MYBL1: variants seen among roughly 807,000 people sequenced by gnomAD.
The protein encoded by MYBL1 is myb-related protein A.
In MYBL1, 17 loss-of-function variants were observed where a neutral mutation model predicts 96.3. The ratio of observed to expected loss-of-function variants is 0.18; its 90% CI spans 0.12 to 0.26. The LOEUF (loss-of-function observed/expected upper bound fraction) is 0.26, where lower values mean the gene tolerates loss of function less well. Among genes scored for constraint, MYBL1 ranks in the 10% least tolerant of loss-of-function variants. The pLI, the probability that MYBL1 is intolerant of heterozygous loss-of-function variation, is 1.00. For synonymous variants in MYBL1, 282 were observed against 292.7 expected (o/e 0.96, Z 0.37); for missense variants, 701 against 882.9 (o/e 0.79, Z 2.61).
chr8:66,593,342 C>G, intron 6 of MYBL1, 148 bp from the exon 7 acceptor site: 1 of 489,418 alleles, frequency 2.0e-6, no homozygotes, highest in Non-Finnish European at 3.7e-6. Context: ...ACCTATAATA[C>G]TTTCTTATCT....
chr8:66,592,329 T>A, intron 8 of MYBL1, 111 bp downstream of exon 8: 1 of 711,836 alleles, frequency 1.4e-6, no homozygotes, highest in Non-Finnish European at 2.3e-6. Context: ...AAACTATTTT[T>A]ACTCCATATT....
chr8:66,566,016 T>C (rs924546128), intron 15 of MYBL1, 48 bp downstream of exon 15: 2 of 1,277,380 alleles, frequency 1.6e-6, no homozygotes, highest in African/African-American at 1.6e-5. Context: ...AAAGTGATCA[T>C]TGACTAAACA....
Position 66,592,554 on chromosome 8 carries a change from G to A in MYBL1, c.763-10C>T, listed in dbSNP as rs1391534237. 1 of 1,514,380 alleles carries A rather than the reference G, an allele frequency of 6.6e-7. No homozygotes were observed. The highest frequency in any genetic ancestry group is 9.0e-7 in the Non-Finnish European group (1 of 1,117,128). The allele number at this position is 1,514,380 out of a possible 1,614,324, so 93.8% of individuals were successfully genotyped here. A position where few individuals can be genotyped will look rare whatever the true frequency, so the allele number is the denominator to read the frequency against. On this transcript the variant is annotated splice_polypyrimidine_tract_variant and intron_variant, in intron 7 of 15. Transcript: ENST00000522677. ...CATCAATGAAGGGTTGCTAAAATAA[G>A]TTAAATAAAAGAGAAAACAGGATGC...
At chr8:66,568,853 C>T (rs560879958) in intron 12 of MYBL1, among the ~76,000 whole-genome samples, 10 of 151,770 alleles carry the variant, frequency 6.6e-5, no homozygotes, top group East Asian at 2.0e-4. Flanking sequence ...GGTGAAACCC[C>T]GTCTCTACTA....
chr8:66,583,398 CAAAT>C, intron 8 of MYBL1, among the ~76,000 whole-genome samples: 1 of 151,860 alleles, frequency 6.6e-6, no homozygotes, highest in African/African-American at 2.4e-5. Flanking sequence ...AGAAACATTT[CAAAT>C]AAACAATGTA....
Position 66,576,275 on chromosome 8 carries a change from T to C in MYBL1, c.1202A>G (p.Asn401Ser), listed in dbSNP as rs371430055. The C allele has an allele frequency of 1.1e-4, 180 of 1,613,912 alleles. No individual in the cohort carries two copies. The highest frequency in any genetic ancestry group is 1.5e-4 in the Non-Finnish European group (176 of 1,179,894). Reference sequence around the variant, plus strand: ...AAATTGGCATTCCATGGCTCCTTCATTGTGCTGAATTCTCATTAATTTAAC... The same window carrying C: ...AAATTGGCATTCCATGGCTCCTTCACTGTGCTGAATTCTCATTAATTTAAC... ...TPVKLMRIQH[N>S]EGAMECQFNV... The change falls in exon 10 of 16, where the codon AAT becomes AGT. Residue 401 changes from asparagine to serine, a missense_variant. This residue lies in a region of MYBL1 where 396 missense variants were observed against 407.4 expected (regional missense o/e 0.97). Transcript: ENST00000522677.
At chr8:66,576,629 T>G (rs984257108) in intron 9 of MYBL1, among the ~76,000 whole-genome samples, 3 of 152,170 alleles carry the variant, frequency 2.0e-5, no homozygotes, top group Non-Finnish European at 2.9e-5. Context: ...GAACAAATGA[T>G]AAGTTATTAT....
At chr8:66,608,043 C>T (rs1310457990) in intron 1 of MYBL1, among the ~76,000 whole-genome samples, 1 of 152,148 alleles carries the variant, frequency 6.6e-6, no homozygotes, top group East Asian at 1.9e-4. Flanking sequence ...CACAAATCTA[C>T]ATCACATTTA....
At chr8:66,579,912 T>C (rs1322084887) in intron 9 of MYBL1, among the ~76,000 whole-genome samples, 1 of 152,070 alleles carries the variant, frequency 6.6e-6, no homozygotes, top group Non-Finnish European at 1.5e-5. Flanking sequence ...ACTTATATAA[T>C]AAAAAATGAA....
At position 66,595,736 on chromosome 8, in the gene MYBL1, A is replaced by G. The variant is rs1306585903; in HGVS notation, c.534T>C (p.Asn178=). 5.1e-6 allele frequency: 8 copies of G among 1,559,638 alleles called. No homozygotes were observed. The highest frequency in any genetic ancestry group is 7.0e-6 in the Non-Finnish European group (8 of 1,150,614). The change falls in exon 6 of 16, where the codon AAT becomes AAC. Residue 178 remains asparagine, a synonymous_variant. Transcript: ENST00000522677. ...TTCTTCGCATAGTAGAATTCCAATG[A>G]TTTTTGATAGAATTATCAGTCCTAA... is the stretch of plus-strand genomic sequence containing the variant. ...LPGRTDNSIK[N]HWNSTMRRKV...
chr8:66,602,791 G>C (rs1428621932), intron 1 of MYBL1, among the ~76,000 whole-genome samples: 1 of 131,050 alleles, frequency 7.6e-6, no homozygotes, highest in Non-Finnish European at 1.5e-5. Flanking sequence ...TGTCGCCCAG[G>C]CTGGAGTGCA....
intron 12 of MYBL1, among the ~76,000 whole-genome samples, chr8:66,569,054 C>T (rs553929699): frequency 1.3e-5 from 2 of 152,096 alleles, no homozygotes; most frequent in Non-Finnish European, 2.9e-5. Flanking sequence ...TTTCATCACC[C>T]AAGTATTAAG....
intron 9 of MYBL1, among the ~76,000 whole-genome samples, chr8:66,576,952 T>C (rs1808979273): frequency 6.6e-6 from 1 of 152,150 alleles, no homozygotes. Flanking sequence ...TAATCCAGCA[T>C]ATAAACAAAA....
intron 12 of MYBL1, among the ~76,000 whole-genome samples, chr8:66,569,332 G>A (rs960167812): frequency 4.7e-5 from 7 of 150,334 alleles, no homozygotes; most frequent in African/African-American, 7.4e-5. Context: ...CATACGTACC[G>A]CATTTTCTTT....
chr8:66,600,897 G>A (rs1026047351), intron 3 of MYBL1, among the ~76,000 whole-genome samples: 13 of 152,040 alleles, frequency 8.6e-5, no homozygotes, highest in East Asian at 1.9e-4. Context: ...AGGACCAGGC[G>A]CGGTAACTCA....
intron 8 of MYBL1, among the ~76,000 whole-genome samples, chr8:66,584,888 A>T (rs770652911): frequency 1.3e-5 from 2 of 152,158 alleles, no homozygotes; most frequent in Non-Finnish European, 2.9e-5. Flanking sequence ...AAAATTGAAG[A>T]GGACATGAAA....
At chr8:66,592,348 C>A in intron 8 of MYBL1, 92 bp downstream of exon 8, 4 of 796,276 alleles carry the variant, frequency 5.0e-6, no homozygotes, top group Admixed American at 6.1e-5. Context: ...TTAAAATCTG[C>A]AGTCATACTG....
intron 6 of MYBL1, among the ~76,000 whole-genome samples, chr8:66,594,855 A>G (rs1286756165): frequency 1.3e-5 from 2 of 152,288 alleles, no homozygotes; most frequent in African/African-American, 4.8e-5. Flanking sequence ...ATCTTGCCCA[A>G]TTTTATCTTT....
intron 3 of MYBL1, among the ~76,000 whole-genome samples, chr8:66,601,177 CAAAAAAAAAAAA>C (rs1167336780): frequency 1.9e-3 from 27 of 13,912 alleles, no homozygotes; most frequent in African/African-American, 4.7e-3. Flanking sequence ...AACTCCGTCT[CAAAAAAAAAAAA>C]AAAAAAAAAA....
Sources: gnomAD v4.1 joint callset for allele counts (sites outside exome capture counted in the v4.1 genomes callset) on GRCh38, gnomAD v4.1.1 for gene constraint, gnomAD v4.1.1 regional missense constraint, MANE v1.5 for transcripts, NCBI Gene and HGNC (gene_info 2026-07-23, HGNC 2026-07-21) for gene names.